The following DOCK1 variants were observed in gnomAD, a reference collection of about 807,000 sequenced individuals.
The protein encoded by DOCK1 is dedicator of cytokinesis 1.
Under a neutral mutation model 262.7 loss-of-function variants are expected in DOCK1, and 138 were observed. That is an observed-to-expected ratio of 0.53 (90% CI 0.46 to 0.61). DOCK1 has a LOEUF of 0.61. Among genes scored for constraint, DOCK1 ranks in the 20% least tolerant of loss-of-function variants. The pLI is 0.00. For synonymous variants in DOCK1, 866 were observed against 867.4 expected, an observed-to-expected ratio of 1.00 and a Z score of 0.03; for missense variants, 1,908 against 2,370.7, an observed-to-expected ratio of 0.80 and a Z score of 4.05.
rs147705615 is a variant in DOCK1, at chr10:127,275,261, A to G, written c.3044+17832A>G. On this transcript the variant is annotated intron_variant, in intron 29 of 51. Coordinates refer to ENST00000623213, the MANE Select transcript of DOCK1 (RefSeq NM_001290223.2). ...GGAGTCAGTAATAGGAAGAAAAAAA[A>G]AAACACAGGAGAGAGAAGACAGTGC... 1.1e-3 allele frequency among the ~76,000 whole-genome samples: 170 copies of G among 152,212 alleles called. 1 individual carries two copies. Among genetic ancestry groups the G allele is most frequent in the African/African-American group, 3.9e-3 (161 of 41,536 alleles).
At chr10:127,433,143 A>G in intron 47 of DOCK1, 140 bp from the exon 48 acceptor site, 1 of 1,220,492 alleles carries the variant, frequency 8.2e-7, no homozygotes, top group Non-Finnish European at 1.1e-6. Context: ...TCCACTCAGA[A>G]CAAGAACATG....
Position 127,451,334 on chromosome 10 carries a change from T to A in DOCK1, c.5568T>A (p.His1856Gln). The A allele has an allele frequency of 1.3e-6, 2 of 1,592,900 alleles. No homozygotes were observed. The highest frequency in any genetic ancestry group is 1.7e-4 in the Middle Eastern group (1 of 6,034). The change falls in exon 52 of 52, where the codon CAT (histidine) becomes CAA (glutamine). Residue 1856 changes from histidine to glutamine, a missense_variant and splice_region_variant. Transcript: ENST00000623213. ...TPPPPPPHQR[H>Q]LPPPLPSKTP... is the part of the protein sequence containing the mutation. ...TTCCCCATCCTCATGTTTTTTAGCATCTGCCACCTCCACTGCCCAGCAAAA... is the reference window on the plus strand; with the variant it reads ...TTCCCCATCCTCATGTTTTTTAGCAACTGCCACCTCCACTGCCCAGCAAAA...
intron 27 of DOCK1, among the ~76,000 whole-genome samples, chr10:127,140,962 T>C (rs1236281669): frequency 6.6e-6 from 1 of 152,196 alleles, no homozygotes; most frequent in East Asian, 1.9e-4. Flanking sequence ...CCATGGCTCT[T>C]GCTTCAGCTT....
chr10:127,158,702 C>A (rs1250649350), intron 27 of DOCK1, among the ~76,000 whole-genome samples: 1 of 152,184 alleles, frequency 6.6e-6, no homozygotes, highest in Non-Finnish European at 1.5e-5. Flanking sequence ...TTCTAGTCTT[C>A]ATTTTTCTCC....
At chr10:126,998,457 ATTGCTAT>A in intron 8 of DOCK1, 1 of 548,620 alleles carries the variant, frequency 1.8e-6, no homozygotes, top group South Asian at 2.9e-5. Flanking sequence ...TTGCGTGTAG[ATTGCTAT>A]TTGCTCGTAG....
intron 27 of DOCK1, among the ~76,000 whole-genome samples, chr10:127,163,818 T>TC (rs397738877): frequency 1.4e-4 from 21 of 150,104 alleles, no homozygotes; most frequent in African/African-American, 5.1e-4. Flanking sequence ...TTTTTTTTTT[T>TC]GCCCTGAAGC....
At chr10:127,221,729 G>C (rs2058444311) in intron 27 of DOCK1, among the ~76,000 whole-genome samples, 1 of 152,204 alleles carries the variant, frequency 6.6e-6, no homozygotes, top group Admixed American at 6.5e-5. Context: ...GCAACTCAGG[G>C]GAAGTGGTGT....
At chr10:126,999,297 C>T (rs937682803) in intron 8 of DOCK1, 57 bp from the exon 9 acceptor site, 9 of 1,370,364 alleles carry the variant, frequency 6.6e-6, no homozygotes, top group Non-Finnish European at 8.3e-6. Context: ...TGTGGATGTA[C>T]ATTTGGTACC....
At position 127,100,478 on chromosome 10, in the gene DOCK1, A is replaced by C. The variant is rs192040905; in HGVS notation, c.2446-5753A>C. 1.9e-3 allele frequency among the ~76,000 whole-genome samples: 291 copies of C among 151,984 alleles called. 1 individual carries two copies. The highest frequency in any genetic ancestry group is 6.5e-3 in the African/African-American group (271 of 41,484). On this transcript the variant is annotated intron_variant, in intron 23 of 51. Transcript: ENST00000623213. The surrounding 1 kb of genome is among the most constrained non-coding windows in gnomAD (Gnocchi z 5.5). ...TTCCACCAAGGCAGGGGGAGTTTGCAATGTCTAGGGTCAGCCAGGGTGGAC... is the reference window on the plus strand; with the variant it reads ...TTCCACCAAGGCAGGGGGAGTTTGCCATGTCTAGGGTCAGCCAGGGTGGAC...
At chr10:127,177,225 G>A (rs562946023) in intron 27 of DOCK1, 6 of 152,098 alleles carry the variant, frequency 3.9e-5, no homozygotes, top group Non-Finnish European at 7.3e-5. Flanking sequence ...AAACAATGGT[G>A]GTGGTTTCAG....
intron 1 of DOCK1, among the ~76,000 whole-genome samples, chr10:126,913,685 A>G (rs2032138238): frequency 6.6e-6 from 1 of 152,218 alleles, no homozygotes; most frequent in Admixed American, 6.5e-5. Context: ...GTATCCACGC[A>G]GGCACTCCCT....
intron 42 of DOCK1, among the ~76,000 whole-genome samples, chr10:127,410,243 A>T (rs905389339): frequency 6.6e-6 from 1 of 151,876 alleles, no homozygotes; most frequent in Non-Finnish European, 1.5e-5. Flanking sequence ...GGGTTGCAAC[A>T]TTTTTTTTCA....
rs1337943383 is a variant in DOCK1, at chr10:126,939,826, A to T, written c.47-30876A>T. Among the ~76,000 whole-genome samples, 9 of 152,290 alleles carry T rather than the reference A, an allele frequency of 5.9e-5. No individual in the cohort carries two copies. In the East Asian group the frequency reaches 1.7e-3, roughly 29 times the overall value. On this transcript the variant is annotated intron_variant, in intron 1 of 51. Coordinates refer to ENST00000623213, the MANE Select transcript of DOCK1 (RefSeq NM_001290223.2). ...GTTTGTTAATCCCAGAAGTCAGATTATTAGGCCTTTCTGTATTTGGGTCCC... is the reference window on the plus strand; with the variant it reads ...GTTTGTTAATCCCAGAAGTCAGATTTTTAGGCCTTTCTGTATTTGGGTCCC...
intron 45 of DOCK1, 134 bp downstream of exon 45, chr10:127,418,675 G>GGCA: frequency 1.7e-6 from 2 of 1,183,748 alleles, no homozygotes; most frequent in Non-Finnish European, 2.3e-6. Context: ...GCCAAGGCCA[G>GGCA]GCAGCAGCAG....
intron 27 of DOCK1, among the ~76,000 whole-genome samples, chr10:127,180,133 A>C (rs1454758987): frequency 2.0e-5 from 3 of 152,214 alleles, no homozygotes; most frequent in African/African-American, 7.2e-5. Flanking sequence ...ATAAACTTGA[A>C]AACATCAAAC....
At chr10:127,184,758 T>C (rs2056070552) in intron 27 of DOCK1, among the ~76,000 whole-genome samples, 1 of 152,178 alleles carries the variant, frequency 6.6e-6, no homozygotes, top group African/African-American at 2.4e-5. Flanking sequence ...CTTCCACTGG[T>C]TCATTTTCCA....
At chr10:127,369,682 T>C (rs1427010514) in intron 33 of DOCK1, among the ~76,000 whole-genome samples, 2 of 151,962 alleles carry the variant, frequency 1.3e-5, no homozygotes, top group Admixed American at 6.6e-5. Context: ...TCCAAGTGAG[T>C]GGCTCTGGGT....
chr10:127,219,004 C>G (rs2058322933), intron 27 of DOCK1, among the ~76,000 whole-genome samples: 1 of 152,182 alleles, frequency 6.6e-6, no homozygotes, highest in East Asian at 1.9e-4. Context: ...GGGCCTTAAT[C>G]CCACCTCTTA....
intron 29 of DOCK1, among the ~76,000 whole-genome samples, chr10:127,297,911 T>G (rs2061556201): frequency 6.6e-6 from 1 of 152,124 alleles, no homozygotes; most frequent in Admixed American, 6.5e-5. Context: ...GGATGCCTTC[T>G]TCTCTGCTTG....
Sources: gnomAD v4.1 joint callset for allele counts (sites outside exome capture counted in the v4.1 genomes callset) on GRCh38, gnomAD v4.1.1 for gene constraint, Gnocchi (gnomAD v3.1) non-coding constraint, MANE v1.5 for transcripts, NCBI Gene and HGNC (gene_info 2026-07-23, HGNC 2026-07-21) for gene names.